The following FAM117B variants were observed in gnomAD, a reference collection of about 807,000 sequenced individuals.
The protein encoded by FAM117B is protein FAM117B.
Under a neutral mutation model 52.8 loss-of-function variants are expected in FAM117B, and 22 were observed. The observed-to-expected ratio is 0.42, with a 90% confidence interval of 0.30 to 0.59. FAM117B has a LOEUF of 0.59. Ranked by LOEUF, FAM117B falls within the 20% of genes least tolerant of loss-of-function variation. The probability of loss-of-function intolerance (pLI) is 0.22; values close to 1 mark genes in which losing one functional copy is unlikely to be tolerated. For synonymous variants in FAM117B, 309 were observed against 324.1 expected, an observed-to-expected ratio of 0.95 and a Z score of 0.50; for missense variants, 678 against 802.6, an observed-to-expected ratio of 0.84 and a Z score of 1.88.
chr2:202,699,449 G>GAAAAAAAAAAAAAAA (rs59522030), intron 2 of FAM117B, among the ~76,000 whole-genome samples: 4 of 100,032 alleles, frequency 4.0e-5, no homozygotes, highest in African/African-American at 3.9e-5. Context: ...AAAAAAAAAA[G>GAAAAAAAAAAAAAAA]AAAAAAAAAA....
At chr2:202,690,676 G>T (rs993270652) in intron 1 of FAM117B, among the ~76,000 whole-genome samples, 7 of 152,186 alleles carry the variant, frequency 4.6e-5, no homozygotes, top group Non-Finnish European at 8.8e-5. Context: ...TACATACTGG[G>T]AACTGCAAGT....
At chr2:202,700,505 G>A (rs765532560) in intron 2 of FAM117B, among the ~76,000 whole-genome samples, 1 of 152,168 alleles carries the variant, frequency 6.6e-6, no homozygotes, top group East Asian at 1.9e-4. Context: ...TAAGATAGGC[G>A]AGGACGCTAC....
intron 2 of FAM117B, 141 bp downstream of exon 2, chr2:202,696,173 C>G: frequency 2.3e-6 from 2 of 882,920 alleles, no homozygotes; most frequent in Admixed American, 6.7e-5. Flanking sequence ...GAGCAGATTC[C>G]AAGCCTGACC....
At chr2:202,697,685 G>T (rs1375491520) in intron 2 of FAM117B, among the ~76,000 whole-genome samples, 5 of 151,328 alleles carry the variant, frequency 3.3e-5, no homozygotes, top group Non-Finnish European at 7.4e-5. Context: ...CGAGGAGCTG[G>T]ACTACAGGCG....
intron 1 of FAM117B, among the ~76,000 whole-genome samples, chr2:202,636,058 G>C (rs1380228531): frequency 6.7e-6 from 1 of 149,884 alleles, no homozygotes; most frequent in Non-Finnish European, 1.5e-5. Flanking sequence ...CTAAACCTTG[G>C]GCTTGAGCTG....
chr2:202,696,469 C>A (rs1035295921), intron 2 of FAM117B, among the ~76,000 whole-genome samples: 2 of 152,124 alleles, frequency 1.3e-5, no homozygotes, highest in African/African-American at 4.8e-5. Flanking sequence ...GAATTTATGT[C>A]GGGCTGCATT....
rs1194834443 is a variant in FAM117B, at chr2:202,740,177, A to ACC, written c.960+13814_960+13815insCC. On this transcript the variant is annotated intron_variant, in intron 4 of 7. Coordinates refer to ENST00000392238, the MANE Select transcript of FAM117B (RefSeq NM_173511.4). ...GACAGAGCGAGACTTCATCCCCCAA[A>ACC]AAAAAAAAAAAAAAAAAAAAAAAAA... is the stretch of plus-strand genomic sequence containing the variant. Among the ~76,000 whole-genome samples, 44 of 134,738 alleles carry ACC rather than the reference A, an allele frequency of 3.3e-4. No homozygotes were observed. The East Asian group carries it at 7.5e-3, about 23-fold the overall frequency. The allele number at this position is 134,738 out of a possible 152,430, so 88.4% of individuals were successfully genotyped here. A position where few individuals can be genotyped will look rare whatever the true frequency, so the allele number is the denominator to read the frequency against.
intron 4 of FAM117B, among the ~76,000 whole-genome samples, chr2:202,737,697 G>T (rs1291485887): frequency 6.6e-6 from 1 of 151,956 alleles, no homozygotes. Flanking sequence ...TGCCTCTTGG[G>T]TTCAAGCGAT....
chr2:202,698,665 C>A (rs186625064), intron 2 of FAM117B, among the ~76,000 whole-genome samples: 2 of 152,042 alleles, frequency 1.3e-5, no homozygotes, highest in African/African-American at 2.4e-5. Context: ...TCAGGTGATC[C>A]ACCCGCCTTG....
Position 202,747,647 on chromosome 2 carries a change from T to C in FAM117B, c.961-7891T>C, listed in dbSNP as rs552337789. ...AATATATAAAAATGAGTAGTGTTTC[T>C]ATACACTCACAGTGAACTAGCTAAA... On this transcript the variant is annotated intron_variant, in intron 4 of 7. Transcript: ENST00000392238. Among the ~76,000 whole-genome samples, 36 of 152,238 alleles carry C rather than the reference T, an allele frequency of 2.4e-4. 1 individual carries two copies. The highest frequency in any genetic ancestry group is 4.1e-4 in the South Asian group (2 of 4,830).
chr2:202,715,795 G>A (rs747489199), intron 2 of FAM117B, among the ~76,000 whole-genome samples: 17 of 152,384 alleles, frequency 1.1e-4, no homozygotes, highest in Non-Finnish European at 2.2e-4. Flanking sequence ...GGGCACCATT[G>A]AGCACTGAGT....
chr2:202,732,445 T>G (rs1234228781), intron 4 of FAM117B, among the ~76,000 whole-genome samples: 7 of 152,182 alleles, frequency 4.6e-5, no homozygotes, highest in Non-Finnish European at 1.0e-4. Context: ...TAAAATGTGG[T>G]ATATCCATAT....
At chr2:202,648,201 A>G (rs1313401330) in intron 1 of FAM117B, among the ~76,000 whole-genome samples, 4 of 152,134 alleles carry the variant, frequency 2.6e-5, no homozygotes, top group Admixed American at 1.3e-4. Flanking sequence ...GAGCTATTCT[A>G]TGTATATTCA....
At chr2:202,737,956 G>A (rs192538039) in intron 4 of FAM117B, among the ~76,000 whole-genome samples, 1 of 152,214 alleles carries the variant, frequency 6.6e-6, no homozygotes, top group East Asian at 1.9e-4. Context: ...TTCCCACAAT[G>A]TAGCTATTGA....
At chr2:202,752,617 G>A (rs1691743271) in intron 4 of FAM117B, among the ~76,000 whole-genome samples, 1 of 151,986 alleles carries the variant, frequency 6.6e-6, no homozygotes, top group African/African-American at 2.4e-5. Flanking sequence ...ACCTCTTCCT[G>A]AAAGAGGTTT....
chr2:202,662,636 A>AT (rs1690147356), intron 1 of FAM117B, among the ~76,000 whole-genome samples: 1 of 152,068 alleles, frequency 6.6e-6, no homozygotes, highest in Admixed American at 6.6e-5. Flanking sequence ...AGGTCAAGAG[A>AT]TCGAGACCAT....
Position 202,677,781 on chromosome 2 carries a change from A to G in FAM117B, c.602-18100A>G, listed in dbSNP as rs78597786. On this transcript the variant is annotated intron_variant, in intron 1 of 7. Coordinates refer to ENST00000392238, the MANE Select transcript of FAM117B (RefSeq NM_173511.4). The stretch of plus-strand genomic sequence containing the variant: ...AGCACCTAGAAGAATCTGGAGTCAT[A>G]ATAGGTGCTTAATAAATATTTATTG... 8.5e-3 allele frequency among the ~76,000 whole-genome samples: 1,294 copies of G among 152,312 alleles called. 24 individuals are homozygous for G. The highest frequency in any genetic ancestry group is 0.029 in the African/African-American group (1,223 of 41,558).
Position 202,757,115 on chromosome 2 carries a change from G to A in FAM117B, c.1105-98G>A, listed in dbSNP as rs931925323. 51 of 1,181,220 alleles carry A rather than the reference G, an allele frequency of 4.3e-5. No individual in the cohort carries two copies. The East Asian group carries it at 9.0e-4, about 21-fold the overall frequency. 73.2% of individuals were successfully genotyped at this position (1,181,220 alleles called of 1,614,324 possible). On this transcript the variant is annotated intron_variant, in intron 5 of 7. Transcript: ENST00000392238. ...AAGTAGGAAGGGATTTCTGATTTGT[G>A]AGTCTCTGGCACTATATGGGAAGGT...
intron 2 of FAM117B, among the ~76,000 whole-genome samples, chr2:202,719,385 A>G (rs921611243): frequency 7.0e-6 from 1 of 143,642 alleles, no homozygotes; most frequent in Non-Finnish European, 1.6e-5. Flanking sequence ...CCTGATTTTT[A>G]AAAACTTTTT....
Sources: allele counts gnomAD v4.1 joint callset (sites outside exome capture counted in the v4.1 genomes callset), GRCh38; gene constraint gnomAD v4.1.1; transcripts MANE v1.5; gene names NCBI Gene and HGNC (gene_info 2026-07-23, HGNC 2026-07-21).